The following AP4E1 variants were observed in gnomAD, a reference collection of about 807,000 sequenced individuals.
AP4E1 encodes the protein AP-4 complex subunit epsilon-1.
A neutral mutation model predicts 128.2 loss-of-function variants in AP4E1; 56 were observed. The observed-to-expected ratio is 0.44, with a 90% CI of 0.35 to 0.55. The LOEUF (loss-of-function observed/expected upper bound fraction) is 0.55, where lower values mean the gene tolerates loss of function less well. AP4E1 is among the 20% of genes least tolerant of loss of function. The pLI is 0.00. For missense variants in AP4E1, 1,324 were observed against 1,307.7 expected (o/e 1.01, Z -0.19); for synonymous variants, 484 against 473.1 (o/e 1.02, Z -0.30).
At chr15:50,942,245 T>C (rs565921193) in intron 10 of AP4E1, among the ~76,000 whole-genome samples, 57 of 152,256 alleles carry the variant, frequency 3.7e-4, no homozygotes, top group Middle Eastern at 3.4e-3. Context: ...TTTAAGTAAC[T>C]TTTCTAAAAA....
chr15:51,001,114 CA>C lies in AP4E1; in HGVS notation c.3186del (p.Ala1063LeufsTer7). ...ACAAAATGTAAAAATGTCAGAATCTCAAGCTGCACTTCCTTCTGCACTAAAG... is the reference window on the plus strand; with the variant it reads ...ACAAAATGTAAAAATGTCAGAATCTCAGCTGCACTTCCTTCTGCACTAAAG... ...VKQNVKMSES[Q>X]AALPSALKTL... On this transcript the variant is annotated frameshift_variant, in exon 20 of 21. Transcript: ENST00000261842. LOFTEE classifies it high-confidence loss of function. The C allele has an allele frequency of 6.2e-7, 1 of 1,613,582 alleles. No individual in the cohort carries two copies. Among genetic ancestry groups the C allele is most frequent in the South Asian group, 1.1e-5 (1 of 91,060 alleles).
chr15:50,944,586 T>TAA, intron 10 of AP4E1: 13 of 211,806 alleles, frequency 6.1e-5, no homozygotes, highest in Non-Finnish European at 1.0e-4. Flanking sequence ...CTAAAACAGT[T>TAA]AAAAAAAAAA....
At chr15:50,957,776 A>G (rs923411677) in intron 13 of AP4E1, among the ~76,000 whole-genome samples, 1 of 145,972 alleles carries the variant, frequency 6.9e-6, no homozygotes, top group African/African-American at 2.6e-5. Flanking sequence ...TCCCAGGTTC[A>G]AGCAGTTCTT....
At chr15:50,993,271 A>G in intron 16 of AP4E1, 99 bp from the exon 17 acceptor site, 1 of 1,295,434 alleles carries the variant, frequency 7.7e-7, no homozygotes. Context: ...AGTTGTTTTT[A>G]AAAGGCCATG....
intron 14 of AP4E1, among the ~76,000 whole-genome samples, chr15:50,966,956 G>A (rs574295248): frequency 1.0e-3 from 156 of 152,230 alleles, no homozygotes; most frequent in Non-Finnish European, 1.8e-3. Flanking sequence ...GCTAAATCAG[G>A]AGAGGCAAGT....
intron 19 of AP4E1, among the ~76,000 whole-genome samples, 192 bp downstream of exon 19, chr15:50,999,454 A>G (rs759941524): frequency 6.6e-6 from 1 of 152,208 alleles, no homozygotes; most frequent in African/African-American, 2.4e-5. Context: ...ATATGTAATT[A>G]TGAATTGTGC....
chr15:50,968,114 C>T, intron 14 of AP4E1, 149 bp from the exon 15 acceptor site: 1 of 600,984 alleles, frequency 1.7e-6, no homozygotes, highest in Non-Finnish European at 2.9e-6. Flanking sequence ...GCCACCATGC[C>T]TGGCTGTGGT....
At chr15:50,936,387 T>A (rs534980252) in intron 8 of AP4E1, among the ~76,000 whole-genome samples, 21 of 152,140 alleles carry the variant, frequency 1.4e-4, no homozygotes, top group African/African-American at 2.2e-4. Flanking sequence ...CAGAAAGTTT[T>A]TTTTATTTTA....
chr15:50,990,898 G>T (rs536984880), intron 16 of AP4E1, among the ~76,000 whole-genome samples: 1 of 152,316 alleles, frequency 6.6e-6, no homozygotes, highest in African/African-American at 2.4e-5. Flanking sequence ...TTAGTATGCA[G>T]AATAATTAGG....
chr15:50,958,446 T>C, intron 13 of AP4E1, 46 bp from the exon 14 acceptor site: 1 of 1,515,992 alleles, frequency 6.6e-7, no homozygotes, highest in Non-Finnish European at 9.1e-7. Context: ...TAGTCTACTG[T>C]ATAACTTGAT....
chr15:50,980,698 A>G (rs1388980237), intron 15 of AP4E1, among the ~76,000 whole-genome samples: 1 of 152,126 alleles, frequency 6.6e-6, no homozygotes, highest in Non-Finnish European at 1.5e-5. Context: ...TCAGGGGATG[A>G]CCAGCGTACC....
At position 50,961,981 on chromosome 15, in the gene AP4E1, G is replaced by A. The variant is rs1296719860; in HGVS notation, c.1851+3187G>A. Among the ~76,000 whole-genome samples the A allele has an allele frequency of 5.3e-5, 8 of 150,984 alleles. No homozygotes were observed. The East Asian group carries it at 1.6e-3, about 29-fold the overall frequency. On this transcript the variant is annotated intron_variant, in intron 14 of 20. Transcript: ENST00000261842. ...AAGCCAGAAAAAAAAAATCAAGAAA[G>A]TAATGCCATTTACAACAGCTACAAA...
At chr15:50,968,008 T>C (rs1048127574) in intron 14 of AP4E1, among the ~76,000 whole-genome samples, 1 of 152,120 alleles carries the variant, frequency 6.6e-6, no homozygotes, top group East Asian at 1.9e-4. Context: ...TTAGTAGAGA[T>C]GGGGTTTTGC....
At chr15:50,966,926 T>C (rs2064402352) in intron 14 of AP4E1, among the ~76,000 whole-genome samples, 2 of 152,344 alleles carry the variant, frequency 1.3e-5, no homozygotes, top group Middle Eastern at 3.4e-3. Flanking sequence ...CTAAATTATC[T>C]GAGCTATTTG....
At chr15:50,931,581 T>TAAA (rs905081641) in intron 7 of AP4E1, among the ~76,000 whole-genome samples, 4 of 151,792 alleles carry the variant, frequency 2.6e-5, no homozygotes, top group African/African-American at 9.7e-5. Flanking sequence ...ATAATAATAA[T>TAAA]AAATAAATAA....
Position 50,983,056 on chromosome 15 carries a change from T to A in AP4E1, c.1967-966T>A, listed in dbSNP as rs1377021048. On this transcript the variant is annotated intron_variant, in intron 15 of 20. Transcript: ENST00000261842. ...AGATTAGGCTTGCTGAATTAGCCAA[T>A]TAAAAAATAAAGAAACAAAGTGGGA... Among the ~76,000 whole-genome samples, 4 of 152,336 alleles carry A rather than the reference T, an allele frequency of 2.6e-5. No individual in the cohort carries two copies. In the East Asian group the frequency reaches 7.7e-4, roughly 29 times the overall value.
At position 50,943,642 on chromosome 15, in the gene AP4E1, T is replaced by G. The variant is rs186850156; in HGVS notation, c.1176+1867T>G. On this transcript the variant is annotated intron_variant, in intron 10 of 20. Coordinates refer to ENST00000261842, the MANE Select transcript of AP4E1 (RefSeq NM_007347.5). ...TGAACAAAGTTGACTTAGGTACAGTTTTTTCTTATTGCTATTTGGTAGTCC... is the reference window on the plus strand; with the variant it reads ...TGAACAAAGTTGACTTAGGTACAGTGTTTTCTTATTGCTATTTGGTAGTCC... Among the ~76,000 whole-genome samples the G allele has an allele frequency of 4.8e-3, 734 of 152,328 alleles. 3 individuals are homozygous for G. The highest frequency in any genetic ancestry group is 7.4e-3 in the Non-Finnish European group (505 of 68,030).
intron 10 of AP4E1, among the ~76,000 whole-genome samples, chr15:50,944,318 A>G (rs188846181): frequency 6.6e-6 from 1 of 152,252 alleles, no homozygotes; most frequent in Admixed American, 6.5e-5. Context: ...ATACAGGAGG[A>G]GAGAAGGTGA....
At position 51,002,976 on chromosome 15, in the gene AP4E1, A is replaced by G. The variant is rs1408145438; in HGVS notation, c.*314A>G. 5 of 264,038 alleles carry G rather than the reference A, an allele frequency of 1.9e-5. No homozygotes were observed. The highest frequency in any genetic ancestry group is 8.9e-5 in the African/African-American group (4 of 44,888). 16.4% of individuals were successfully genotyped at this position (264,038 alleles called of 1,614,324 possible). A position where few individuals can be genotyped will look rare whatever the true frequency, so the allele number is the denominator to read the frequency against. ...TATTTATTTTGTTATAAATAATTTT[A>G]TAGCACGTTTACTCTAGTGCTAGCT... On this transcript the variant is annotated 3_prime_UTR_variant, in exon 21 of 21. Transcript: ENST00000261842.
Sources: allele counts gnomAD v4.1 joint callset (sites outside exome capture counted in the v4.1 genomes callset), GRCh38; gene constraint gnomAD v4.1.1; transcripts MANE v1.5; gene names NCBI Gene and HGNC (gene_info 2026-07-23, HGNC 2026-07-21).